The following FNDC3A variants were observed in gnomAD, a reference collection of about 807,000 sequenced individuals.
FNDC3A encodes the protein fibronectin type III domain containing 3A.
Under a neutral mutation model 148.9 loss-of-function variants are expected in FNDC3A, and 32 were observed. The observed-to-expected ratio is 0.21, with a 90% CI of 0.16 to 0.29. FNDC3A has a LOEUF of 0.29. Ranked by LOEUF, FNDC3A falls within the 10% of genes least tolerant of loss-of-function variation. The pLI is 1.00. For missense variants in FNDC3A, 1,191 were observed against 1,452.8 expected (o/e 0.82, Z 2.93); for synonymous variants, 472 against 473.6 (o/e 1.00, Z 0.04).
chr13:49,193,249 T>C (rs910149939), intron 19 of FNDC3A, among the ~76,000 whole-genome samples: 1 of 152,160 alleles, frequency 6.6e-6, no homozygotes, highest in Non-Finnish European at 1.5e-5. Flanking sequence ...TGTATGTATG[T>C]GTGTGTATAG....
intron 3 of FNDC3A, among the ~76,000 whole-genome samples, chr13:49,080,073 A>T (rs1170667608): frequency 6.6e-6 from 1 of 152,230 alleles, no homozygotes; most frequent in Non-Finnish European, 1.5e-5. Flanking sequence ...CTGTGATTAC[A>T]GGCATGGACA....
At chr13:49,137,517 GTA>G (rs1376037316) in intron 6 of FNDC3A, among the ~76,000 whole-genome samples, 2 of 152,008 alleles carry the variant, frequency 1.3e-5, no homozygotes, top group Non-Finnish European at 2.9e-5. Context: ...ACTACTTTTT[GTA>G]TTTTTAGTAG....
intron 1 of FNDC3A, among the ~76,000 whole-genome samples, chr13:48,997,499 G>A (rs184434307): frequency 6.6e-6 from 1 of 152,210 alleles, no homozygotes; most frequent in African/African-American, 2.4e-5. Flanking sequence ...TGTGGAGCTG[G>A]GGCCTTTGGA....
chr13:49,069,823 T>G (rs1157751303), intron 2 of FNDC3A, among the ~76,000 whole-genome samples: 2 of 152,174 alleles, frequency 1.3e-5, no homozygotes, highest in Admixed American at 6.5e-5. Flanking sequence ...ATTATTAAAA[T>G]GAAGCATATT....
intron 1 of FNDC3A, among the ~76,000 whole-genome samples, chr13:48,999,507 G>A (rs1431548111): frequency 6.6e-6 from 1 of 152,150 alleles, no homozygotes; most frequent in Non-Finnish European, 1.5e-5. Flanking sequence ...ATGATACTTA[G>A]ATGAGACCTT....
At chr13:49,118,279 G>A (rs1186207328) in intron 4 of FNDC3A, among the ~76,000 whole-genome samples, 1 of 152,152 alleles carries the variant, frequency 6.6e-6, no homozygotes, top group African/African-American at 2.4e-5. Flanking sequence ...CCTAGCCAAG[G>A]GAAGCCATGA....
intron 14 of FNDC3A, among the ~76,000 whole-genome samples, chr13:49,180,286 A>G (rs956146898): frequency 5.9e-5 from 9 of 152,234 alleles, no homozygotes; most frequent in Admixed American, 1.3e-4. Context: ...GATAAAAGCC[A>G]CTGTAAATTG....
At chr13:49,023,720 A>G (rs1032989465) in intron 2 of FNDC3A, among the ~76,000 whole-genome samples, 1 of 151,968 alleles carries the variant, frequency 6.6e-6, no homozygotes, top group Non-Finnish European at 1.5e-5. Flanking sequence ...AGCAAGGAGG[A>G]AATAAAGAAT....
intron 2 of FNDC3A, among the ~76,000 whole-genome samples, chr13:49,019,805 A>G (rs530259080): frequency 6.6e-6 from 1 of 152,336 alleles, no homozygotes; most frequent in South Asian, 2.1e-4. Context: ...TTTCCCTAAT[A>G]TCCTGAGTTG....
At chr13:49,016,655 G>A (rs1480480424) in intron 2 of FNDC3A, among the ~76,000 whole-genome samples, 3 of 151,970 alleles carry the variant, frequency 2.0e-5, no homozygotes, top group South Asian at 2.1e-4. Flanking sequence ...TTTTGAATGT[G>A]TTTGCTCTTG....
intron 8 of FNDC3A, among the ~76,000 whole-genome samples, chr13:49,149,267 T>C (rs977609936): frequency 6.6e-6 from 1 of 152,048 alleles, no homozygotes; most frequent in African/African-American, 2.4e-5. Context: ...GTAGGCATCC[T>C]TGTCTTGTTC....
chr13:49,006,422 A>T lies in FNDC3A; in HGVS notation c.99+133A>T, dbSNP rs1952222072. ...CCAATTCAAAATGTTGTTCAGTTTT[A>T]TAAGATGATAAAAATAATGAGACTG... On this transcript the variant is annotated intron_variant, in intron 2 of 25. Coordinates refer to ENST00000492622, the MANE Select transcript of FNDC3A (RefSeq NM_001079673.2). 6.0e-6 allele frequency: 3 copies of T among 503,052 alleles called. No individual in the cohort carries two copies. In the South Asian group the frequency reaches 9.1e-5, roughly 15 times the overall value. The allele number at this position is 503,052 out of a possible 1,614,324, so 31.2% of individuals were successfully genotyped here.
chr13:49,152,264 C>T (rs1883349851), intron 8 of FNDC3A, among the ~76,000 whole-genome samples: 1 of 152,180 alleles, frequency 6.6e-6, no homozygotes, highest in African/African-American at 2.4e-5. Context: ...TTAATGATCA[C>T]CATTCTAACT....
chr13:49,114,677 G>A lies in FNDC3A; in HGVS notation c.198G>A (p.Met66Ile), dbSNP rs1239765560. 3.7e-6 allele frequency: 6 copies of A among 1,612,890 alleles called. No homozygotes were observed. Among genetic ancestry groups the A allele is most frequent in the Non-Finnish European group, 5.1e-6 (6 of 1,179,064 alleles). ...CAGGTCCTGCTCAGGTTCCAATGATGTCCCCAAATGGTTCTGTGCCTCCTA... is the reference window on the plus strand; with the variant it reads ...CAGGTCCTGCTCAGGTTCCAATGATATCCCCAAATGGTTCTGTGCCTCCTA... ...CITGPAQVPM[M>I]SPNGSVPPIY... Residue 66 changes from methionine (M) to isoleucine (I), a missense_variant, in exon 4 of 26, where the codon ATG (methionine) becomes ATA (isoleucine). Physicochemically the swap from Met to Ile is conservative, Grantham distance 10. Around this residue, in one of 3 missense-constraint regions of FNDC3A, gnomAD observed 426 missense variants for 473.2 expected, o/e 0.90. Transcript: ENST00000492622.
Position 49,188,569 on chromosome 13 carries a change from G to A in FNDC3A, c.1880G>A (p.Arg627Gln), listed in dbSNP as rs376085230. 7.4e-6 allele frequency: 12 copies of A among 1,613,866 alleles called. No homozygotes were observed. Among genetic ancestry groups the A allele is most frequent in the African/African-American group, 5.3e-5 (4 of 74,898 alleles). ...SGATREHLCDRLNPGCFYRLR... is the reference protein window; with the variant it reads ...SGATREHLCDQLNPGCFYRLR... ...GCTACCAGGGAACATCTTTGTGATC[G>A]ACTGAATCCAGGCTGTTTCTATCGT... The change falls in exon 17 of 26, where the codon CGA becomes CAA. Residue 627 changes from arginine (R) to glutamine (Q), a missense_variant. By Grantham distance (43) the Arg-to-Gln change is conservative. Coordinates refer to ENST00000492622, the MANE Select transcript of FNDC3A (RefSeq NM_001079673.2).
At chr13:49,090,887 G>A (rs1018456547) in intron 3 of FNDC3A, among the ~76,000 whole-genome samples, 9 of 152,054 alleles carry the variant, frequency 5.9e-5, no homozygotes, top group African/African-American at 1.9e-4. Context: ...CCAGCTACTC[G>A]GAAGGCTGAG....
chr13:49,086,444 T>C (rs954785629), intron 3 of FNDC3A, among the ~76,000 whole-genome samples: 1 of 152,214 alleles, frequency 6.6e-6, no homozygotes, highest in African/African-American at 2.4e-5. Flanking sequence ...TACATATTCA[T>C]AACTATACTA....
chr13:49,071,255 A>G (rs1015735888), intron 2 of FNDC3A, among the ~76,000 whole-genome samples: 2 of 151,808 alleles, frequency 1.3e-5, no homozygotes, highest in African/African-American at 4.8e-5. Context: ...TATATACCAC[A>G]TTTTCTTTAT....
chr13:49,045,078 C>CT (rs1308917412), intron 2 of FNDC3A: 2 of 186,854 alleles, frequency 1.1e-5, no homozygotes, highest in Non-Finnish European at 2.2e-5. Context: ...TTCCCTTTCC[C>CT]TTTCCTTTCC....
Sources: allele counts gnomAD v4.1 joint callset (sites outside exome capture counted in the v4.1 genomes callset), GRCh38; gene constraint gnomAD v4.1.1; regional missense constraint gnomAD v4.1.1; transcripts MANE v1.5; gene names NCBI Gene and HGNC (gene_info 2026-07-23, HGNC 2026-07-21).